Variants in CAST observed in about 807,000 individuals in gnomAD.
The protein encoded by CAST is calpastatin.
In CAST, 76 loss-of-function variants were observed where a neutral mutation model predicts 119.6. The observed-to-expected ratio is 0.64, with a 90% confidence interval of 0.53 to 0.77. The LOEUF (loss-of-function observed/expected upper bound fraction) is 0.77, where lower values mean the gene tolerates loss of function less well. CAST is among the 30% of genes least tolerant of loss of function. The pLI is 0.00. For synonymous variants in CAST, 319 were observed against 331.6 expected, an observed-to-expected ratio of 0.96 and a Z score of 0.41; for missense variants, 953 against 946.5, an observed-to-expected ratio of 1.01 and a Z score of -0.09.
the CAST span, among the ~76,000 whole-genome samples, chr5:96,153,157 G>A: frequency 6.6e-6 from 1 of 151,770 alleles, no homozygotes; most frequent in African/African-American, 2.4e-5. Context: ...TTTTTTCCTT[G>A]GCAGCATATT....
the CAST span, among the ~76,000 whole-genome samples, chr5:96,190,677 T>C: frequency 6.6e-6 from 1 of 152,220 alleles, no homozygotes; most frequent in Admixed American, 6.5e-5. Context: ...TTTTAAAATT[T>C]ATTTTTGGCA....
At chr5:96,212,966 T>G in the CAST span, among the ~76,000 whole-genome samples, 2 of 151,826 alleles carry the variant, frequency 1.3e-5, no homozygotes, top group Admixed American at 6.6e-5. Flanking sequence ...AAAAATAAAA[T>G]AAATTAGCCG....
rs1773217618 is a variant in CAST, at chr5:96,773,554, A to C, written c.*938A>C. The C allele has an allele frequency of 6.6e-6, 1 of 152,204 alleles. No individual in the cohort carries two copies. The highest frequency in any genetic ancestry group is 1.5e-5 in the Non-Finnish European group (1 of 68,004). The allele number at this position is 152,204 out of a possible 1,614,324, so 9.4% of individuals were successfully genotyped here. A position where few individuals can be genotyped will look rare whatever the true frequency, so the allele number is the denominator to read the frequency against. ...CACTGTATAGCGTCTGGCTTTATGG[A>C]ACTTAAGTTTACCAAATATAAAAAG... On this transcript the variant is annotated 3_prime_UTR_variant, in exon 32 of 32. Transcript: ENST00000675179.
the CAST span, among the ~76,000 whole-genome samples, chr5:96,018,630 A>C: frequency 6.6e-6 from 1 of 152,192 alleles, no homozygotes; most frequent in Non-Finnish European, 1.5e-5. Flanking sequence ...CCAACATTTC[A>C]GTATTTGGGG....
chr5:96,048,040 T>A, the CAST span, among the ~76,000 whole-genome samples: 11 of 151,876 alleles, frequency 7.2e-5, no homozygotes, highest in African/African-American at 2.7e-4. Flanking sequence ...AAAGCAGGAG[T>A]GTAGATGAAG....
At chr5:96,144,163 G>T in the CAST span, among the ~76,000 whole-genome samples, 2,892 of 152,264 alleles carry the variant, frequency 0.019, 64 homozygotes, top group African/African-American at 0.058. Flanking sequence ...AAGTGAAAAT[G>T]CATCCGTTTT....
chr5:96,742,950 G>A (rs1468847846), intron 16 of CAST, among the ~76,000 whole-genome samples, 194 bp downstream of exon 16: 1 of 152,214 alleles, frequency 6.6e-6, no homozygotes, highest in African/African-American at 2.4e-5. Flanking sequence ...GAAACAGCTA[G>A]AATTTTAACA....
At chr5:96,687,661 A>G (rs1464231913) in intron 2 of CAST, among the ~76,000 whole-genome samples, 1 of 152,164 alleles carries the variant, frequency 6.6e-6, no homozygotes, top group Admixed American at 6.6e-5. Context: ...TAAGGACCAG[A>G]ATTTTTGGAC....
At chr5:96,217,734 C>T in the CAST span, among the ~76,000 whole-genome samples, 1 of 152,130 alleles carries the variant, frequency 6.6e-6, no homozygotes, top group African/African-American at 2.4e-5. Context: ...ATAATACAGG[C>T]TCCAGGATCT....
intron 1 of CAST, among the ~76,000 whole-genome samples, chr5:96,561,799 T>TTTTTTTTTTTTG (rs1746373717): frequency 2.2e-5 from 2 of 89,486 alleles, no homozygotes; most frequent in African/African-American, 7.8e-5. Context: ...TTTTTTTGTT[T>TTTTTTTTTTTTG]TTTTTTTTTT....
the CAST span, among the ~76,000 whole-genome samples, chr5:96,051,081 A>T: frequency 6.6e-6 from 1 of 152,294 alleles, no homozygotes; most frequent in African/African-American, 2.4e-5. Context: ...TTGCAAGACA[A>T]TGTATAGTTA....
At chr5:96,762,843 T>C (rs1331694717) in intron 25 of CAST, 3 of 342,890 alleles carry the variant, frequency 8.7e-6, no homozygotes, top group African/African-American at 2.1e-5. Flanking sequence ...ATTGTTTTCT[T>C]CCCAATTCAC....
the CAST span, among the ~76,000 whole-genome samples, chr5:96,440,156 C>T: frequency 6.8e-6 from 1 of 147,448 alleles, no homozygotes; most frequent in Non-Finnish European, 1.5e-5. Flanking sequence ...TGAATTTCTG[C>T]AATTATGTTT....
the CAST span, among the ~76,000 whole-genome samples, chr5:96,258,124 C>A: frequency 6.6e-6 from 1 of 152,052 alleles, no homozygotes; most frequent in African/African-American, 2.4e-5. Context: ...TCTTTCAGGG[C>A]TTCATTTTGC....
chr5:96,142,688 A>G, the CAST span, among the ~76,000 whole-genome samples: 2 of 152,192 alleles, frequency 1.3e-5, no homozygotes, highest in African/African-American at 2.4e-5. Context: ...ATCTACTCAC[A>G]TGAGAAGAGG....
chr5:96,049,064 A>G, the CAST span, among the ~76,000 whole-genome samples: 1 of 152,222 alleles, frequency 6.6e-6, no homozygotes, highest in African/African-American at 2.4e-5. Context: ...CTCAGGTTTG[A>G]CTTTACCCTT....
At chr5:96,105,622 C>T in the CAST span, among the ~76,000 whole-genome samples, 4 of 152,258 alleles carry the variant, frequency 2.6e-5, no homozygotes, top group South Asian at 4.2e-4. Flanking sequence ...TGATGTGCTG[C>T]TGGATTCGGT....
the CAST span, among the ~76,000 whole-genome samples, chr5:96,247,116 G>A: frequency 5.9e-5 from 9 of 152,294 alleles, no homozygotes; most frequent in Non-Finnish European, 1.2e-4. Context: ...GGTGCCATAA[G>A]CTCTGTCTCT....
At chr5:96,538,583 C>T (rs1240626752) in intron 1 of CAST, among the ~76,000 whole-genome samples, 1 of 151,804 alleles carries the variant, frequency 6.6e-6, no homozygotes, top group Non-Finnish European at 1.5e-5. Flanking sequence ...ATAATATAGT[C>T]AGAATTAATG....
Sources: gnomAD v4.1 joint callset for allele counts (sites outside exome capture counted in the v4.1 genomes callset) on GRCh38, gnomAD v4.1.1 for gene constraint, MANE v1.5 for transcripts, NCBI Gene and HGNC (gene_info 2026-07-23, HGNC 2026-07-21) for gene names.